CRB1: variants seen among roughly 807,000 people sequenced by gnomAD.
The protein encoded by CRB1 is protein crumbs homolog 1.
CRB1 carries 83 observed loss-of-function variants against 120.0 expected under a neutral mutation model. That is an observed-to-expected ratio of 0.69 (90% CI 0.58 to 0.83). The LOEUF is 0.83. Among genes scored for constraint, CRB1 ranks in the 40% least tolerant of loss-of-function variants. The pLI is 0.00. For missense variants in CRB1, 1,699 were observed against 1,687.6 expected (o/e 1.01, Z -0.12); for synonymous variants, 625 against 612.5 (o/e 1.02, Z -0.30).
At chr1:197,263,950 T>G (rs1654574107), upstream of CRB1, among the ~76,000 whole-genome samples, 1 of 152,178 alleles carries the variant, frequency 6.6e-6, no homozygotes, top group East Asian at 1.9e-4. Context: ...TCTTGTTTTA[T>G]AAAATAAATA....
chr1:197,291,300 T>C (rs1656165621), intron 1 of CRB1, among the ~76,000 whole-genome samples: 1 of 151,998 alleles, frequency 6.6e-6, no homozygotes, highest in East Asian at 1.9e-4. Flanking sequence ...CGAATTGATT[T>C]TTACTTTATT....
the CRB1 span, among the ~76,000 whole-genome samples, chr1:197,236,195 C>CTTT: frequency 0.24 from 26,833 of 112,480 alleles, 3,509 homozygotes; most frequent in African/African-American, 0.33. Context: ...CTTTTATTTC[C>CTTT]TTTTTTTTTT....
intron 1 of CRB1, among the ~76,000 whole-genome samples, chr1:197,297,009 T>C (rs1291113298): frequency 6.6e-6 from 1 of 152,050 alleles, no homozygotes; most frequent in Non-Finnish European, 1.5e-5. Context: ...TACACAAGTC[T>C]CCTCCTTGAT....
intron 11 of CRB1, among the ~76,000 whole-genome samples, chr1:197,476,036 A>C (rs1386763970): frequency 6.6e-6 from 1 of 151,886 alleles, no homozygotes; most frequent in Admixed American, 6.6e-5. Flanking sequence ...CAGCCTCCCA[A>C]GTCGTTGGGA....
intron 11 of CRB1, among the ~76,000 whole-genome samples, chr1:197,453,047 G>T (rs1296053446): frequency 2.0e-5 from 3 of 151,744 alleles, no homozygotes; most frequent in African/African-American, 4.8e-5. Flanking sequence ...GCCTTAAAAA[G>T]AACAAAATTC....
intron 1 of CRB1, among the ~76,000 whole-genome samples, chr1:197,324,303 C>T (rs535392030): frequency 1.3e-5 from 2 of 152,164 alleles, no homozygotes; most frequent in Non-Finnish European, 1.5e-5. Context: ...TTTTCTTGAA[C>T]TTATTCATTT....
chr1:197,225,982 A>G, the CRB1 span, among the ~76,000 whole-genome samples: 1 of 151,966 alleles, frequency 6.6e-6, no homozygotes, highest in Non-Finnish European at 1.5e-5. Flanking sequence ...GCTTACTGCA[A>G]CCCTGCCTCC....
In CRB1 at chr1:197,435,079, C is replaced by T; in HGVS notation, c.3216C>T (p.Asn1072=). 3 of 1,613,910 alleles carry T rather than the reference C, an allele frequency of 1.9e-6. No individual in the cohort carries two copies. Among genetic ancestry groups the T allele is most frequent in the Non-Finnish European group, 2.5e-6 (3 of 1,179,892 alleles). ...GCACAATTGCTACTGGAAGCCTCAA[C>T]TTTTTGAAGGATAATACAGATATTT... ...VTSTIATGSL[N]FLKDNTDIYV... The change falls in exon 9 of 12, where the codon AAC becomes AAT. Residue 1072 remains asparagine (N), a synonymous_variant. Transcript: ENST00000367400.
intron 1 of CRB1, among the ~76,000 whole-genome samples, chr1:197,290,577 T>C (rs1656116624): frequency 6.6e-6 from 1 of 151,688 alleles, no homozygotes; most frequent in Non-Finnish European, 1.5e-5. Context: ...CTCTCCCCTC[T>C]ATCAGCCAAC....
At chr1:197,462,629 A>G (rs1475747593) in intron 11 of CRB1, among the ~76,000 whole-genome samples, 1 of 152,166 alleles carries the variant, frequency 6.6e-6, no homozygotes, top group Admixed American at 6.5e-5. Context: ...TACGGCATCC[A>G]AGAGGATTAG....
chr1:197,328,615 C>T lies in CRB1; in HGVS notation c.264C>T (p.Thr88=). ...PCQGSATCVN[T]PGERSFLCKC... Reference sequence around the variant, plus strand: ...AAGGAAGTGCCACTTGTGTGAACACCCCAGGAGAAAGGAGCTTTCTGTGCA... The same window carrying T: ...AAGGAAGTGCCACTTGTGTGAACACTCCAGGAGAAAGGAGCTTTCTGTGCA... Residue 88 remains threonine (T), a synonymous_variant, in exon 2 of 12, where the codon ACC becomes ACT. Transcript: ENST00000367400. The T allele has an allele frequency of 1.9e-6, 3 of 1,614,160 alleles. No individual in the cohort carries two copies. Among genetic ancestry groups the T allele is most frequent in the Non-Finnish European group, 2.5e-6 (3 of 1,180,028 alleles).
At chr1:197,245,308 T>C in the CRB1 span, among the ~76,000 whole-genome samples, 2 of 152,228 alleles carry the variant, frequency 1.3e-5, no homozygotes, top group African/African-American at 4.8e-5. Flanking sequence ...TTGTAATTAC[T>C]CATAGAAGCA....
the CRB1 span, among the ~76,000 whole-genome samples, chr1:197,242,424 A>G: frequency 1.3e-5 from 2 of 152,256 alleles, no homozygotes; most frequent in South Asian, 2.1e-4. Context: ...TTCTGCATCT[A>G]TTGAGATAAT....
At chr1:197,206,688 C>T in the CRB1 span, among the ~76,000 whole-genome samples, 1 of 151,976 alleles carries the variant, frequency 6.6e-6, no homozygotes, top group Non-Finnish European at 1.5e-5. Flanking sequence ...GAGAATGTAC[C>T]ATGTGCTGAT....
intron 11 of CRB1, among the ~76,000 whole-genome samples, chr1:197,467,845 A>G (rs1163796378): frequency 6.6e-6 from 1 of 152,236 alleles, no homozygotes; most frequent in Non-Finnish European, 1.5e-5. Flanking sequence ...ATAAGTCATC[A>G]GCCTAGGAAA....
At chr1:197,350,918 T>C (rs1263517338) in intron 4 of CRB1, among the ~76,000 whole-genome samples, 1 of 152,134 alleles carries the variant, frequency 6.6e-6, no homozygotes, top group African/African-American at 2.4e-5. Flanking sequence ...TGGACCACAG[T>C]AAGCACTAAG....
intron 5 of CRB1, chr1:197,360,242 CCT>C (rs1371355858): frequency 6.6e-6 from 1 of 152,194 alleles, no homozygotes; most frequent in Non-Finnish European, 1.5e-5. Context: ...AATATCTTTC[CCT>C]GTTTCAGACT....
intron 1 of CRB1, among the ~76,000 whole-genome samples, chr1:197,288,279 G>C (rs1001709061): frequency 2.0e-5 from 3 of 151,844 alleles, no homozygotes; most frequent in African/African-American, 7.2e-5. Context: ...GCCAAGAATT[G>C]TACCTGTGCC....
the CRB1 span, among the ~76,000 whole-genome samples, chr1:197,237,405 C>G: frequency 6.6e-6 from 1 of 152,154 alleles, no homozygotes; most frequent in African/African-American, 2.4e-5. Flanking sequence ...AGCATCCTCA[C>G]ATGGTGAAAG....
Sources: gnomAD v4.1 joint callset for allele counts (sites outside exome capture counted in the v4.1 genomes callset) on GRCh38, gnomAD v4.1.1 for gene constraint, MANE v1.5 for transcripts, NCBI Gene and HGNC (gene_info 2026-07-23, HGNC 2026-07-21) for gene names.